Variants in NBDY observed in about 807,000 individuals in gnomAD.
NBDY encodes negative regulator of P-body association, also known as P-body dissociating protein.
chrX:56,759,565 G>A (rs943987643), intron 2 of NBDY, among the ~76,000 whole-genome samples: 6 of 110,316 alleles, frequency 5.4e-5, no homozygotes, highest in African/African-American at 1.7e-4. Flanking sequence ...TGGAGGAGCA[G>A]GGTTACAGTT....
At position 56,817,547 on chromosome X, in the gene NBDY, A is replaced by T. The variant is rs1397292173; in HGVS notation, c.*394A>T. On this transcript the variant is annotated 3_prime_UTR_variant, in exon 3 of 3. Coordinates refer to ENST00000374922, the MANE Select transcript of NBDY (RefSeq NM_001348129.2). ...ACTTTATATTCCTATAAATCCATTA[A>T]GGCCCCAATAAAGTTTGTCTCTAAG... 8.9e-6 allele frequency: 1 copy of T among 111,928 alleles called. No individual in the cohort carries two copies. The highest frequency in any genetic ancestry group is 3.2e-5 in the African/African-American group (1 of 30,823). The allele number at this position is 111,928 out of a possible 1,213,427, so 9.2% of individuals were successfully genotyped here.
intron 2 of NBDY, among the ~76,000 whole-genome samples, chrX:56,785,760 T>A (rs1431762764): frequency 1.8e-5 from 2 of 111,859 alleles, no homozygotes; most frequent in Admixed American, 9.4e-5. Flanking sequence ...CTCACAGGGC[T>A]GCCAGCTATT....
At chrX:56,737,577 T>C (rs1324217396) in intron 2 of NBDY, 3 of 632,023 alleles carry the variant, frequency 4.7e-6, no homozygotes, top group Non-Finnish European at 7.4e-6. Context: ...TTGCCAGCCA[T>C]TTTGACCTGC....
At chrX:56,813,340 TC>T (rs1422777912) in intron 2 of NBDY, among the ~76,000 whole-genome samples, 1 of 110,630 alleles carries the variant, frequency 9.0e-6, no homozygotes, top group East Asian at 2.8e-4. Context: ...GCAAGTTGTG[TC>T]CTGTTGCCTT....
rs1369373373 is a variant in NBDY, at chrX:56,739,236, GTGTATATATATATATA to G, written c.*166+7039_*166+7054del. Among the ~76,000 whole-genome samples, 32 of 58,062 alleles carry G rather than the reference GTGTATATATATATATA, an allele frequency of 5.5e-4. No homozygotes were observed. In the East Asian group the frequency reaches 9.6e-3, roughly 17 times the overall value. The allele number at this position is 58,062 out of a possible 115,157, so 50.4% of individuals were successfully genotyped here. A position where few individuals can be genotyped will look rare whatever the true frequency, so the allele number is the denominator to read the frequency against. On this transcript the variant is annotated intron_variant, in intron 2 of 2. Transcript: ENST00000374922. ...TATACATATATATGTGTGTTTGTGT[GTGTATATATATATATA>G]TATATATATATGTATGTATATATAT...
At chrX:56,740,955 T>C (rs188436080) in intron 2 of NBDY, among the ~76,000 whole-genome samples, 1 of 110,844 alleles carries the variant, frequency 9.0e-6, no homozygotes, top group East Asian at 2.8e-4. Context: ...TCTTTTTGTA[T>C]ACCCGTTAAC....
rs1422550084 is a variant in NBDY, at chrX:56,818,483, A to T, written c.*1330A>T. 8.9e-6 allele frequency: 1 copy of T among 112,160 alleles called. No homozygotes were observed. The highest frequency in any genetic ancestry group is 1.9e-5 in the Non-Finnish European group (1 of 53,215). The allele number at this position is 112,160 out of a possible 1,213,427, so 9.2% of individuals were successfully genotyped here. ...GATTGTATAATATTACTAATCACAC[A>T]TTAGAGTTTTAAAACTTCTGAGCCA... is the stretch of plus-strand genomic sequence containing the variant. On this transcript the variant is annotated 3_prime_UTR_variant, in exon 3 of 3. Transcript: ENST00000374922.
At chrX:56,731,399 A>T in intron 1 of NBDY, among the ~76,000 whole-genome samples, 1 of 72,687 alleles carries the variant, frequency 1.4e-5, no homozygotes, top group Admixed American at 1.8e-4. Flanking sequence ...TCTCTACTAA[A>T]AGTAAAAAAA....
intron 2 of NBDY, among the ~76,000 whole-genome samples, chrX:56,783,198 T>A (rs920392381): frequency 8.9e-6 from 1 of 112,717 alleles, no homozygotes; most frequent in Non-Finnish European, 1.9e-5. Flanking sequence ...CCCTCATTCC[T>A]AGGATGGCGG....
At chrX:56,790,896 G>T (rs956054007) in intron 2 of NBDY, among the ~76,000 whole-genome samples, 1 of 112,229 alleles carries the variant, frequency 8.9e-6, no homozygotes, top group East Asian at 2.8e-4. Flanking sequence ...CTGGCAGATC[G>T]TGCGGATGGG....
intron 2 of NBDY, among the ~76,000 whole-genome samples, chrX:56,796,909 G>A (rs2069794800): frequency 8.9e-6 from 1 of 111,832 alleles, no homozygotes; most frequent in Non-Finnish European, 1.9e-5. Context: ...GCCACTCGTT[G>A]TGTATGTCAT....
At chrX:56,742,138 T>A (rs2069534749) in intron 2 of NBDY, among the ~76,000 whole-genome samples, 1 of 111,250 alleles carries the variant, frequency 9.0e-6, no homozygotes, top group East Asian at 2.8e-4. Flanking sequence ...AATGAGTTTG[T>A]TAGGTGTGTG....
intron 2 of NBDY, among the ~76,000 whole-genome samples, chrX:56,760,583 C>T (rs1297539594): frequency 8.9e-6 from 1 of 111,930 alleles, no homozygotes. Flanking sequence ...TACGGGGAGG[C>T]TGAGGCAGGA....
chrX:56,805,501 T>G (rs1281765522), intron 2 of NBDY, among the ~76,000 whole-genome samples: 2 of 112,088 alleles, frequency 1.8e-5, no homozygotes, highest in African/African-American at 6.5e-5. Flanking sequence ...TTCCTCAGCT[T>G]CCAGGTTCTC....
intron 2 of NBDY, among the ~76,000 whole-genome samples, 178 bp downstream of exon 2, chrX:56,732,377 T>A (rs1212111845): frequency 8.9e-6 from 1 of 111,983 alleles, no homozygotes; most frequent in African/African-American, 3.2e-5. Flanking sequence ...AAGAAATGTT[T>A]TGTTAGATTC....
intron 1 of NBDY, among the ~76,000 whole-genome samples, chrX:56,731,029 T>C (rs2069455048): frequency 1.8e-5 from 2 of 109,875 alleles, no homozygotes; most frequent in Non-Finnish European, 3.8e-5. Flanking sequence ...ATAATAGGAG[T>C]GAAACAGATA....
At chrX:56,739,238 G>GTATATATATATA (rs1198957018) in intron 2 of NBDY, among the ~76,000 whole-genome samples, 200 of 59,581 alleles carry the variant, frequency 3.4e-3, no homozygotes, top group African/African-American at 0.012. Context: ...GTTTGTGTGT[G>GTATATATATATA]TATATATATA....
At chrX:56,793,708 G>A (rs961781085) in intron 2 of NBDY, among the ~76,000 whole-genome samples, 2 of 110,899 alleles carry the variant, frequency 1.8e-5, no homozygotes, top group African/African-American at 6.6e-5. Flanking sequence ...CTGGATGAGA[G>A]AGGAACCCCT....
At chrX:56,734,307 TGAC>T (rs1403223060) in intron 2 of NBDY, among the ~76,000 whole-genome samples, 5 of 111,568 alleles carry the variant, frequency 4.5e-5, no homozygotes, top group Admixed American at 2.9e-4. Context: ...TCCTACACCT[TGAC>T]AACAGGAAGG....
Sources: gnomAD v4.1 joint callset for allele counts (sites outside exome capture counted in the v4.1 genomes callset) on GRCh38, gnomAD v4.1.1 for gene constraint, MANE v1.5 for transcripts, NCBI Gene and HGNC (gene_info 2026-07-23, HGNC 2026-07-21) for gene names.